C12orf42: variants seen among roughly 807,000 people sequenced by gnomAD.
The protein encoded by C12orf42 is chromosome 12 open reading frame 42, also known as uncharacterized protein C12orf42.
Under a neutral mutation model 21.6 loss-of-function variants are expected in C12orf42, and 25 were observed. That is an observed-to-expected ratio of 1.16 (90% CI 0.84 to 1.62). The LOEUF (loss-of-function observed/expected upper bound fraction) is 1.62, where lower values mean the gene tolerates loss of function less well. Among genes scored for constraint, C12orf42 ranks in the 40% most tolerant of loss-of-function variants. C12orf42 has a pLI of 0.00. For missense variants in C12orf42, 483 were observed against 459.3 expected (o/e 1.05, Z -0.47); for synonymous variants, 174 against 175.0 (o/e 0.99, Z 0.05).
chr12:103,490,836 A>T (rs1172708286), intron 1 of C12orf42, among the ~76,000 whole-genome samples: 1 of 151,966 alleles, frequency 6.6e-6, no homozygotes, highest in African/African-American at 2.4e-5. Context: ...TTCCCATATG[A>T]TTATTCTTGT....
the C12orf42 span, among the ~76,000 whole-genome samples, chr12:103,539,570 GTAAGTT>G: frequency 5.3e-5 from 8 of 151,132 alleles, no homozygotes; most frequent in African/African-American, 2.0e-4. Context: ...TCCTAAAATT[GTAAGTT>G]TAATTTTTTT....
the C12orf42 span, among the ~76,000 whole-genome samples, chr12:103,088,187 A>G: frequency 2.6e-5 from 4 of 152,234 alleles, no homozygotes; most frequent in African/African-American, 7.2e-5. Context: ...ATGAGGAAAC[A>G]CTGCTTCAGA....
At chr12:103,306,825 C>A (rs1024438769) in intron 4 of C12orf42, among the ~76,000 whole-genome samples, 7 of 152,120 alleles carry the variant, frequency 4.6e-5, no homozygotes, top group Non-Finnish European at 7.3e-5. Context: ...TGAAATCATT[C>A]TGGATTAGGG....
At chr12:103,322,983 T>C (rs760630207) in intron 4 of C12orf42, among the ~76,000 whole-genome samples, 6 of 152,198 alleles carry the variant, frequency 3.9e-5, no homozygotes, top group Admixed American at 1.3e-4. Flanking sequence ...CTCAGTTCCA[T>C]TCTATTTGTT....
At chr12:103,508,402 A>G in the C12orf42 span, among the ~76,000 whole-genome samples, 1 of 152,178 alleles carries the variant, frequency 6.6e-6, no homozygotes, top group Admixed American at 6.5e-5. Context: ...AGCAACATTT[A>G]AGTCATTGGA....
chr12:103,063,747 A>T, the C12orf42 span, among the ~76,000 whole-genome samples: 2 of 152,136 alleles, frequency 1.3e-5, no homozygotes, highest in African/African-American at 2.4e-5. Context: ...TGAGGTTCAG[A>T]GTGTGACCCA....
the C12orf42 span, among the ~76,000 whole-genome samples, chr12:103,081,895 A>G: frequency 4.6e-5 from 7 of 152,316 alleles, no homozygotes; most frequent in Admixed American, 2.0e-4. Flanking sequence ...TAACGTGGAT[A>G]TGTTTTGCAT....
the C12orf42 span, among the ~76,000 whole-genome samples, chr12:103,208,876 C>G: frequency 6.6e-6 from 1 of 152,176 alleles, no homozygotes; most frequent in Non-Finnish European, 1.5e-5. Flanking sequence ...AAGCCCTCAG[C>G]TCTTAAAGTG....
At chr12:103,329,482 G>C (rs2041024543) in intron 4 of C12orf42, among the ~76,000 whole-genome samples, 1 of 151,934 alleles carries the variant, frequency 6.6e-6, no homozygotes, top group Non-Finnish European at 1.5e-5. Context: ...AACCCCCCTG[G>C]CATGTGTATA....
chr12:103,073,776 C>A, the C12orf42 span, among the ~76,000 whole-genome samples: 3,433 of 152,186 alleles, frequency 0.023, 58 homozygotes, highest in African/African-American at 0.044. Context: ...AACCTGACTA[C>A]ATGGAAAGGA....
intron 3 of C12orf42, among the ~76,000 whole-genome samples, chr12:103,376,458 C>T (rs910777371): frequency 1.3e-5 from 2 of 152,002 alleles, no homozygotes; most frequent in Admixed American, 6.6e-5. Flanking sequence ...CTAACGCACA[C>T]GGGGCTTAAA....
At chr12:103,183,094 CATTTT>C in the C12orf42 span, among the ~76,000 whole-genome samples, 1 of 152,104 alleles carries the variant, frequency 6.6e-6, no homozygotes, top group Non-Finnish European at 1.5e-5. Flanking sequence ...CATTTCATTT[CATTTT>C]AAGACGGAAT....
At chr12:103,415,706 G>A (rs1157361240) in intron 2 of C12orf42, among the ~76,000 whole-genome samples, 1 of 152,148 alleles carries the variant, frequency 6.6e-6, no homozygotes, top group Non-Finnish European at 1.5e-5. Context: ...AGTAACATAT[G>A]CTTTCAGAGT....
At chr12:103,424,951 T>G (rs1055400784) in intron 2 of C12orf42, among the ~76,000 whole-genome samples, 2 of 152,172 alleles carry the variant, frequency 1.3e-5, no homozygotes, top group Admixed American at 6.5e-5. Flanking sequence ...AAATTCTCAC[T>G]GCCAGCACAG....
At chr12:103,147,591 A>T in the C12orf42 span, among the ~76,000 whole-genome samples, 16 of 112,168 alleles carry the variant, frequency 1.4e-4, no homozygotes, top group South Asian at 2.0e-3. Flanking sequence ...ATTGAATGTG[A>T]CCCACAGTAC....
At chr12:103,199,766 G>T in the C12orf42 span, among the ~76,000 whole-genome samples, 1 of 151,978 alleles carries the variant, frequency 6.6e-6, no homozygotes, top group East Asian at 1.9e-4. Flanking sequence ...AACACAATGA[G>T]GTACCAACTC....
chr12:103,374,920 A>G (rs889654924), intron 3 of C12orf42, among the ~76,000 whole-genome samples: 2 of 152,242 alleles, frequency 1.3e-5, no homozygotes, highest in African/African-American at 2.4e-5. Flanking sequence ...GTTGGCATCA[A>G]TCTCCAAACA....
the C12orf42 span, among the ~76,000 whole-genome samples, chr12:103,130,885 C>A: frequency 2.0e-5 from 3 of 152,146 alleles, no homozygotes; most frequent in African/African-American, 7.2e-5. Context: ...GTTGCATTGT[C>A]CCCTACACTT....
chr12:103,052,091 T>G, the C12orf42 span, among the ~76,000 whole-genome samples: 1 of 152,318 alleles, frequency 6.6e-6, no homozygotes, highest in African/African-American at 2.4e-5. Flanking sequence ...AACAGTTTCT[T>G]TATTTTACTA....
Sources: gnomAD v4.1 joint callset for allele counts (sites outside exome capture counted in the v4.1 genomes callset) on GRCh38, gnomAD v4.1.1 for gene constraint, MANE v1.5 for transcripts, NCBI Gene and HGNC (gene_info 2026-07-23, HGNC 2026-07-21) for gene names.